L3MBTL4: variants seen among roughly 807,000 people sequenced by gnomAD.
The protein encoded by L3MBTL4 is L3MBTL histone methyl-lysine binding protein 4.
L3MBTL4 carries 70 observed loss-of-function variants against 84.5 expected under a neutral mutation model. The ratio of observed to expected loss-of-function variants is 0.83; its 90% confidence interval spans 0.68 to 1.01. The LOEUF (loss-of-function observed/expected upper bound fraction) is 1.01. L3MBTL4 is among the 50% of genes least tolerant of loss of function. The pLI, the probability that L3MBTL4 is intolerant of heterozygous loss-of-function variation, is 0.00. For missense variants in L3MBTL4, 715 were observed against 754.8 expected, an observed-to-expected ratio of 0.95 and a Z score of 0.62; for synonymous variants, 274 against 259.8, an observed-to-expected ratio of 1.05 and a Z score of -0.52.
At chr18:6,099,976 G>C (rs1449688233) in intron 14 of L3MBTL4, among the ~76,000 whole-genome samples, 2 of 151,990 alleles carry the variant, frequency 1.3e-5, no homozygotes, top group Admixed American at 6.6e-5. Context: ...ATAATCTTCT[G>C]TATGTGGCCA....
At chr18:6,237,379 A>G (rs2047255652) in intron 10 of L3MBTL4, among the ~76,000 whole-genome samples, 2 of 151,894 alleles carry the variant, frequency 1.3e-5, no homozygotes. Context: ...TCAGTATTCA[A>G]CAATGGTACT....
chr18:6,207,303 C>T (rs2045916786), intron 12 of L3MBTL4, among the ~76,000 whole-genome samples: 1 of 152,220 alleles, frequency 6.6e-6, no homozygotes, highest in African/African-American at 2.4e-5. Flanking sequence ...GGTTTAAGAG[C>T]TCAGGCTGAA....
intron 16 of L3MBTL4, among the ~76,000 whole-genome samples, chr18:6,044,819 C>T (rs1267022448): frequency 2.0e-5 from 3 of 152,176 alleles, no homozygotes; most frequent in Non-Finnish European, 4.4e-5. Flanking sequence ...AGAAGAGTAA[C>T]TTTTGTACCT....
intron 16 of L3MBTL4, among the ~76,000 whole-genome samples, chr18:6,011,679 C>T (rs1329331789): frequency 6.6e-6 from 1 of 152,190 alleles, no homozygotes; most frequent in African/African-American, 2.4e-5. Context: ...CCTCTCCACT[C>T]CTTCTCCATC....
intron 1 of L3MBTL4, among the ~76,000 whole-genome samples, chr18:6,362,960 A>C (rs1253379042): frequency 6.6e-6 from 1 of 152,246 alleles, no homozygotes; most frequent in Non-Finnish European, 1.5e-5. Context: ...GAAAGCACTC[A>C]TCTACCGTGA....
At chr18:6,143,807 C>T (rs1389019246) in intron 13 of L3MBTL4, among the ~76,000 whole-genome samples, 5 of 152,126 alleles carry the variant, frequency 3.3e-5, no homozygotes, top group African/African-American at 9.7e-5. Context: ...TCTAACTTGT[C>T]TACCACTGTA....
intron 4 of L3MBTL4, 65 bp downstream of exon 4, chr18:6,301,838 C>A: frequency 8.8e-7 from 1 of 1,132,732 alleles, no homozygotes; most frequent in Non-Finnish European, 1.3e-6. Context: ...ACTAAGCAAT[C>A]TAATAAAAAT....
chr18:6,051,655 G>A (rs909538253), intron 16 of L3MBTL4, among the ~76,000 whole-genome samples: 11 of 152,184 alleles, frequency 7.2e-5, no homozygotes, highest in Admixed American at 3.3e-4. Flanking sequence ...TGGATTGGGC[G>A]TGTTCTGTGA....
chr18:6,265,769 C>T (rs1193216637), intron 4 of L3MBTL4, among the ~76,000 whole-genome samples: 1 of 152,020 alleles, frequency 6.6e-6, no homozygotes, highest in Non-Finnish European at 1.5e-5. Context: ...AAAAGTCAAA[C>T]TCATTGAAGC....
intron 1 of L3MBTL4, among the ~76,000 whole-genome samples, chr18:6,374,093 T>C (rs1278107976): frequency 6.6e-6 from 1 of 152,210 alleles, no homozygotes; most frequent in East Asian, 1.9e-4. Context: ...ACATTTCCCC[T>C]GTGAACACAC....
At chr18:6,277,835 C>A (rs1026763696) in intron 4 of L3MBTL4, among the ~76,000 whole-genome samples, 1 of 151,922 alleles carries the variant, frequency 6.6e-6, no homozygotes, top group Non-Finnish European at 1.5e-5. Flanking sequence ...TTGTATTTAT[C>A]TTATATCCCA....
At chr18:6,341,905 T>A (rs1448546102) in intron 1 of L3MBTL4, among the ~76,000 whole-genome samples, 6 of 151,784 alleles carry the variant, frequency 4.0e-5, no homozygotes, top group Non-Finnish European at 8.8e-5. Context: ...AAACAACTCA[T>A]CACATATAAG....
At chr18:6,006,017 A>AG (rs1437435415) in intron 16 of L3MBTL4, among the ~76,000 whole-genome samples, 2 of 152,172 alleles carry the variant, frequency 1.3e-5, no homozygotes, top group Non-Finnish European at 2.9e-5. Context: ...TAATTTAAAA[A>AG]AAAAAACAGA....
chr18:6,191,657 G>A (rs545475135), intron 12 of L3MBTL4, among the ~76,000 whole-genome samples: 8 of 152,290 alleles, frequency 5.3e-5, no homozygotes, highest in African/African-American at 1.7e-4. Context: ...TTAGGGAAGA[G>A]CAGAGGTCCA....
intron 1 of L3MBTL4, among the ~76,000 whole-genome samples, chr18:6,315,302 C>T (rs1166247249): frequency 1.3e-5 from 2 of 152,058 alleles, no homozygotes; most frequent in Admixed American, 6.6e-5. Context: ...AGTTGATACT[C>T]GATGTTAATA....
chr18:6,073,727 G>A (rs1254052292), intron 16 of L3MBTL4, among the ~76,000 whole-genome samples: 2 of 152,202 alleles, frequency 1.3e-5, no homozygotes, highest in Non-Finnish European at 2.9e-5. Context: ...GGGGAAAATT[G>A]TAATTCTTTT....
chr18:5,958,106 G>GAAA (rs2095240767), intron 18 of L3MBTL4, among the ~76,000 whole-genome samples: 1 of 91,464 alleles, frequency 1.1e-5, no homozygotes, highest in African/African-American at 5.7e-5. Flanking sequence ...AGAAGAAGAA[G>GAAA]AAGAAGAAGA....
intron 1 of L3MBTL4, among the ~76,000 whole-genome samples, chr18:6,406,526 G>A (rs545687143): frequency 1.6e-4 from 25 of 152,182 alleles, no homozygotes; most frequent in African/African-American, 5.3e-4. Flanking sequence ...AAACAGGCTG[G>A]GTTAAATCAG....
At chr18:6,269,189 G>A (rs935084878) in intron 4 of L3MBTL4, among the ~76,000 whole-genome samples, 18 of 152,214 alleles carry the variant, frequency 1.2e-4, no homozygotes, top group South Asian at 2.1e-4. Context: ...GTTGCCAGGC[G>A]CGGTGGCTCA....
Sources: allele counts gnomAD v4.1 joint callset (sites outside exome capture counted in the v4.1 genomes callset), GRCh38; gene constraint gnomAD v4.1.1; transcripts MANE v1.5; gene names NCBI Gene and HGNC (gene_info 2026-07-23, HGNC 2026-07-21).